ARMC9: variants seen among roughly 807,000 people sequenced by gnomAD.
ARMC9 encodes the protein lisH domain-containing protein ARMC9.
A neutral mutation model predicts 107.0 loss-of-function variants in ARMC9; 94 were observed. The ratio of observed to expected loss-of-function variants is 0.88; its 90% CI spans 0.74 to 1.04. The LOEUF (loss-of-function observed/expected upper bound fraction) is 1.04, where lower values mean the gene tolerates loss of function less well. ARMC9 is among the 50% of genes least tolerant of loss of function. ARMC9 has a pLI of 0.00. For missense variants in ARMC9, 942 were observed against 1,030.1 expected (o/e 0.91, Z 1.17); for synonymous variants, 380 against 396.9 (o/e 0.96, Z 0.51).
At chr2:231,339,138 G>A (rs557377561) in intron 20 of ARMC9, among the ~76,000 whole-genome samples, 6 of 152,224 alleles carry the variant, frequency 3.9e-5, no homozygotes, top group South Asian at 2.1e-4. Flanking sequence ...GACCAGCCTG[G>A]CCAACATGGT....
intron 19 of ARMC9, among the ~76,000 whole-genome samples, chr2:231,319,997 C>G (rs2042909785): frequency 6.6e-6 from 1 of 152,034 alleles, no homozygotes; most frequent in African/African-American, 2.4e-5. Flanking sequence ...ATAATATACA[C>G]TGTTATGGTT....
chr2:231,291,442 C>T lies in ARMC9; in HGVS notation c.1716C>T (p.Ser572=), dbSNP rs758177199. 1.2e-5 allele frequency: 19 copies of T among 1,612,188 alleles called. No homozygotes were observed. The highest frequency in any genetic ancestry group is 5.5e-5 in the South Asian group (5 of 91,032). The part of the protein sequence containing the change: ...QIEFIIKQLN[S]EELPDGVLES... ...AATTCATCATCAAGCAGCTAAATTC[C>T]GGTCAGTTTGATGCAAGAATCTTTG... The change falls in exon 18 of 25, where the codon TCC becomes TCT. Residue 572 remains serine (S), a splice_region_variant and synonymous_variant. Transcript: ENST00000611582.
chr2:231,270,581 T>G, intron 12 of ARMC9: 2 of 472,006 alleles, frequency 4.2e-6, no homozygotes, highest in Non-Finnish European at 8.8e-6. Flanking sequence ...CTGTTCTCTC[T>G]GTCCTTGGGA....
chr2:231,282,532 A>T, intron 17 of ARMC9, among the ~76,000 whole-genome samples: 1 of 152,216 alleles, frequency 6.6e-6, no homozygotes, highest in East Asian at 1.9e-4. Context: ...ACCTCAGGTG[A>T]TTAGTATATT....
At chr2:231,342,120 G>A (rs2044552822) in intron 20 of ARMC9, among the ~76,000 whole-genome samples, 1 of 152,202 alleles carries the variant, frequency 6.6e-6, no homozygotes, top group Non-Finnish European at 1.5e-5. Flanking sequence ...AGGCTGGGTG[G>A]CTCACACTGC....
chr2:231,236,438 A>G (rs1013088386), intron 8 of ARMC9, among the ~76,000 whole-genome samples: 23 of 152,206 alleles, frequency 1.5e-4, no homozygotes, highest in Non-Finnish European at 1.5e-5. Context: ...GTACAATAAA[A>G]TCTATTTGTG....
intron 19 of ARMC9, among the ~76,000 whole-genome samples, chr2:231,320,325 T>C (rs1314249207): frequency 6.6e-6 from 1 of 152,144 alleles, no homozygotes; most frequent in Non-Finnish European, 1.5e-5. Context: ...GCCAAATTGC[T>C]CCCCAAAGGG....
chr2:231,340,861 C>G (rs1412415898), intron 20 of ARMC9, among the ~76,000 whole-genome samples: 1 of 152,046 alleles, frequency 6.6e-6, no homozygotes, highest in African/African-American at 2.4e-5. Flanking sequence ...GTACTGCCGC[C>G]TGGGCAACAG....
intron 9 of ARMC9, among the ~76,000 whole-genome samples, chr2:231,246,295 A>C (rs1190537732): frequency 6.6e-6 from 1 of 152,160 alleles, no homozygotes; most frequent in African/African-American, 2.4e-5. Context: ...CATACAGATG[A>C]TCTCATCACC....
At chr2:231,307,095 C>G (rs1482068129) in intron 19 of ARMC9, among the ~76,000 whole-genome samples, 1 of 152,176 alleles carries the variant, frequency 6.6e-6, no homozygotes, top group East Asian at 1.9e-4. Context: ...CCCTCTCCAT[C>G]TCAATTTTGC....
intron 9 of ARMC9, among the ~76,000 whole-genome samples, chr2:231,251,447 G>A (rs2037290238): frequency 6.6e-6 from 1 of 152,170 alleles, no homozygotes; most frequent in Non-Finnish European, 1.5e-5. Context: ...TGACAGATGT[G>A]AGCCACTGCA....
chr2:231,325,291 G>A (rs969824092), intron 19 of ARMC9, among the ~76,000 whole-genome samples: 1 of 152,154 alleles, frequency 6.6e-6, no homozygotes, highest in Non-Finnish European at 1.5e-5. Context: ...ATTGAGATGT[G>A]TTGTTTGCTA....
intron 19 of ARMC9, among the ~76,000 whole-genome samples, chr2:231,310,801 GA>G (rs2042304763): frequency 6.6e-6 from 1 of 151,766 alleles, no homozygotes; most frequent in Admixed American, 6.6e-5. Flanking sequence ...TCTTTAAGGG[GA>G]AAAGCAGAGT....
intron 14 of ARMC9, among the ~76,000 whole-genome samples, chr2:231,275,581 G>C (rs1318081407): frequency 6.6e-6 from 1 of 152,200 alleles, no homozygotes; most frequent in Non-Finnish European, 1.5e-5. Flanking sequence ...TGTTAAGCTA[G>C]GCTTTTGCTC....
intron 19 of ARMC9, among the ~76,000 whole-genome samples, chr2:231,306,158 C>A (rs1474191496): frequency 6.6e-6 from 1 of 152,222 alleles, no homozygotes; most frequent in African/African-American, 2.4e-5. Flanking sequence ...ATAGATTCCT[C>A]CCTTCCATGA....
At chr2:231,237,973 A>G (rs2035931210) in intron 8 of ARMC9, among the ~76,000 whole-genome samples, 1 of 151,680 alleles carries the variant, frequency 6.6e-6, no homozygotes, top group Non-Finnish European at 1.5e-5. Flanking sequence ...CTCAAAAGCC[A>G]CAGAAAACTC....
intron 19 of ARMC9, among the ~76,000 whole-genome samples, chr2:231,313,069 G>A (rs2042448415): frequency 6.6e-6 from 1 of 152,128 alleles, no homozygotes; most frequent in South Asian, 2.1e-4. Flanking sequence ...TACTAAGAGA[G>A]GAGTATAGAA....
At chr2:231,204,110 G>T (rs2031568891) in intron 1 of ARMC9, among the ~76,000 whole-genome samples, 1 of 150,558 alleles carries the variant, frequency 6.6e-6, no homozygotes, top group South Asian at 2.1e-4. Flanking sequence ...GGAGTTTGAG[G>T]CTGCAGTGAG....
intron 19 of ARMC9, among the ~76,000 whole-genome samples, chr2:231,322,318 C>T (rs538446511): frequency 6.6e-6 from 1 of 152,348 alleles, no homozygotes; most frequent in South Asian, 2.1e-4. Context: ...CCCTCGCTCT[C>T]CCATGTGGAG....
Sources: allele counts gnomAD v4.1 joint callset (sites outside exome capture counted in the v4.1 genomes callset), GRCh38; gene constraint gnomAD v4.1.1; transcripts MANE v1.5; gene names NCBI Gene and HGNC (gene_info 2026-07-23, HGNC 2026-07-21).